The following SDCCAG8 variants were observed in gnomAD, a reference collection of about 807,000 sequenced individuals.
SDCCAG8 encodes SHH signaling and ciliogenesis regulator SDCCAG8.
Under a neutral mutation model 101.8 loss-of-function variants are expected in SDCCAG8, and 74 were observed. The observed-to-expected ratio is 0.73, with a 90% confidence interval of 0.60 to 0.88. SDCCAG8 has a LOEUF of 0.88. Ranked by LOEUF, SDCCAG8 falls within the 40% of genes least tolerant of loss-of-function variation. The pLI is 0.00. For missense variants in SDCCAG8, 787 were observed against 822.6 expected (o/e 0.96, Z 0.53); for synonymous variants, 281 against 292.9 (o/e 0.96, Z 0.41).
chr1:243,464,544 T>C (rs903433576), intron 16 of SDCCAG8, among the ~76,000 whole-genome samples: 12 of 152,252 alleles, frequency 7.9e-5, no homozygotes, highest in African/African-American at 2.9e-4. Flanking sequence ...TAATACACAT[T>C]ATTACACATA....
At chr1:243,440,213 AT>A (rs2082440496) in intron 16 of SDCCAG8, among the ~76,000 whole-genome samples, 1 of 152,120 alleles carries the variant, frequency 6.6e-6, no homozygotes, top group African/African-American at 2.4e-5. Flanking sequence ...TGAGCTTAGC[AT>A]TTGCCTGGCG....
chr1:243,383,193 A>G (rs1425622351), intron 13 of SDCCAG8, among the ~76,000 whole-genome samples: 4 of 152,206 alleles, frequency 2.6e-5, no homozygotes, highest in Non-Finnish European at 5.9e-5. Context: ...AATAAAGAAG[A>G]ATGATTCGAA....
chr1:243,358,850 G>A (rs1558350207), intron 12 of SDCCAG8, among the ~76,000 whole-genome samples: 2 of 152,126 alleles, frequency 1.3e-5, no homozygotes, highest in African/African-American at 4.8e-5. Context: ...GATGAAAGAA[G>A]CCAGTCACAA....
intron 9 of SDCCAG8, among the ~76,000 whole-genome samples, chr1:243,330,059 C>G (rs1558304476): frequency 6.6e-6 from 1 of 152,094 alleles, no homozygotes; most frequent in Admixed American, 6.6e-5. Flanking sequence ...TAGTATTAAA[C>G]AAAAGATGCC....
chr1:243,285,171 G>T (rs1427152224), intron 4 of SDCCAG8, among the ~76,000 whole-genome samples: 1 of 152,162 alleles, frequency 6.6e-6, no homozygotes, highest in East Asian at 1.9e-4. Flanking sequence ...GAGCCACCGC[G>T]CCCGGTCTGG....
Position 243,299,166 on chromosome 1 carries a change from A to C in SDCCAG8, c.676-5547A>C, listed in dbSNP as rs561093338. On this transcript the variant is annotated intron_variant, in intron 6 of 17. Transcript: ENST00000366541. The stretch of plus-strand genomic sequence containing the variant: ...TTCCTGACTTTTTATTTTTTATGCT[A>C]TCATAAATGACACATATCTTCCAAA... 3.3e-5 allele frequency among the ~76,000 whole-genome samples: 5 copies of C among 152,310 alleles called. No individual in the cohort carries two copies. The East Asian group carries it at 9.6e-4, about 29-fold the overall frequency.
chr1:243,408,697 C>T (rs565871279), intron 13 of SDCCAG8, among the ~76,000 whole-genome samples: 93 of 152,268 alleles, frequency 6.1e-4, no homozygotes, highest in African/African-American at 2.1e-3. Flanking sequence ...GATTTCCTGG[C>T]TGTAACCTTT....
Position 243,354,505 on chromosome 1 carries a change from C to A in SDCCAG8, c.1473+10174C>A, listed in dbSNP as rs566447696. 1.2e-4 allele frequency among the ~76,000 whole-genome samples: 18 copies of A among 152,338 alleles called. No homozygotes were observed. The South Asian group carries it at 3.7e-3, about 32-fold the overall frequency. On this transcript the variant is annotated intron_variant, in intron 12 of 17. Coordinates refer to ENST00000366541, the MANE Select transcript of SDCCAG8 (RefSeq NM_006642.5). ...ATTTGCAACAAGGATTAAAGCCCCACTCTGAATTAAAATTTCTACTGGAAA... is the reference window on the plus strand; with the variant it reads ...ATTTGCAACAAGGATTAAAGCCCCAATCTGAATTAAAATTTCTACTGGAAA...
At chr1:243,489,211 C>T in intron 17 of SDCCAG8, 71 bp downstream of exon 17, 2 of 1,563,718 alleles carry the variant, frequency 1.3e-6, no homozygotes, top group Admixed American at 1.8e-5. Flanking sequence ...TTATGCACCT[C>T]AACAGGCCGG....
At chr1:243,294,238 A>G (rs924814344) in intron 6 of SDCCAG8, among the ~76,000 whole-genome samples, 2 of 152,132 alleles carry the variant, frequency 1.3e-5, no homozygotes, top group African/African-American at 2.4e-5. Flanking sequence ...GTAATGTGAT[A>G]ACTCTGGAAA....
chr1:243,420,426 T>G (rs2080914863), intron 15 of SDCCAG8, among the ~76,000 whole-genome samples: 3 of 152,224 alleles, frequency 2.0e-5, no homozygotes, highest in Admixed American at 2.0e-4. Context: ...TGGGTATCAC[T>G]TTACATAGCT....
At chr1:243,393,699 C>T (rs976865641) in intron 13 of SDCCAG8, among the ~76,000 whole-genome samples, 2 of 152,090 alleles carry the variant, frequency 1.3e-5, no homozygotes, top group Non-Finnish European at 2.9e-5. Flanking sequence ...ATGGAATGAT[C>T]ACTTTATACA....
In SDCCAG8 at chr1:243,347,781, G is replaced by C. The variant is rs375498657; in HGVS notation, c.1473+3450G>C. On this transcript the variant is annotated intron_variant, in intron 12 of 17. Coordinates refer to ENST00000366541, the MANE Select transcript of SDCCAG8 (RefSeq NM_006642.5). ...ACAAGGATGAGCTGACCTGAAATGA[G>C]TGATGCAGAAATAGAGTTTTTTTGT... Among the ~76,000 whole-genome samples the C allele has an allele frequency of 5.3e-5, 8 of 152,252 alleles. No individual in the cohort carries two copies. In the East Asian group the frequency reaches 1.5e-3, roughly 29 times the overall value.
intron 17 of SDCCAG8, among the ~76,000 whole-genome samples, chr1:243,491,857 T>G (rs1430979736): frequency 1.6e-4 from 25 of 152,288 alleles, no homozygotes; most frequent in Admixed American, 1.5e-3. Flanking sequence ...TTAGAGATGG[T>G]TTAACTAAAG....
At chr1:243,459,077 A>C (rs960753662) in intron 16 of SDCCAG8, among the ~76,000 whole-genome samples, 7 of 152,244 alleles carry the variant, frequency 4.6e-5, no homozygotes, top group African/African-American at 1.4e-4. Context: ...ATCTGAAATA[A>C]AAGAGTGACA....
At chr1:243,344,506 A>G (rs1218106461) in intron 12 of SDCCAG8, among the ~76,000 whole-genome samples, 175 bp downstream of exon 12, 1 of 152,216 alleles carries the variant, frequency 6.6e-6, no homozygotes, top group Non-Finnish European at 1.5e-5. Context: ...ATCACCTTTC[A>G]CATGAATGGT....
At chr1:243,393,663 G>A (rs953605530) in intron 13 of SDCCAG8, among the ~76,000 whole-genome samples, 21 of 152,024 alleles carry the variant, frequency 1.4e-4, no homozygotes, top group African/African-American at 5.1e-4. Context: ...TATGGTTCTG[G>A]CAATCTAATG....
In SDCCAG8 at chr1:243,417,968, A is replaced by G. The variant is rs1030774814; in HGVS notation, c.1745A>G (p.Glu582Gly). ...GGTGGGGGTTTATTGTTATTTCTAG[A>G]AAATGAACAGTATTTGTTGCTGACC... ...QQMEAQHDKTENEQYLLLTSQ... is the reference protein window; with the variant it reads ...QQMEAQHDKTGNEQYLLLTSQ... The change falls in exon 15 of 18, where the codon GAA (glutamate) becomes GGA (glycine). Residue 582 changes from glutamate (E) to glycine (G), a missense_variant and splice_region_variant. Glu to Gly is a moderately conservative substitution (Grantham distance 98, BLOSUM62 -2). Transcript: ENST00000366541. 8 of 1,602,714 alleles carry G rather than the reference A, an allele frequency of 5.0e-6. No homozygotes were observed. Among genetic ancestry groups the G allele is most frequent in the Non-Finnish European group, 6.8e-6 (8 of 1,169,908 alleles).
intron 16 of SDCCAG8, among the ~76,000 whole-genome samples, chr1:243,459,010 T>C (rs1247721316): frequency 6.6e-6 from 1 of 152,204 alleles, no homozygotes; most frequent in African/African-American, 2.4e-5. Context: ...TGTGTTTATG[T>C]TACCTTAAAT....
Sources: gnomAD v4.1 joint callset for allele counts (sites outside exome capture counted in the v4.1 genomes callset) on GRCh38, gnomAD v4.1.1 for gene constraint, MANE v1.5 for transcripts, NCBI Gene and HGNC (gene_info 2026-07-23, HGNC 2026-07-21) for gene names.